NARS2: variants seen among roughly 807,000 people sequenced by gnomAD.
NARS2 encodes the protein asparaginyl-tRNA synthetase 2, mitochondrial.
NARS2 carries 60 observed loss-of-function variants against 62.9 expected under a neutral mutation model. The ratio of observed to expected loss-of-function variants is 0.95; its 90% CI spans 0.77 to 1.18. The LOEUF (loss-of-function observed/expected upper bound fraction) is 1.18. Ranked by LOEUF, NARS2 falls within the 50% of genes most tolerant of loss-of-function variation. NARS2 has a pLI of 0.00. For missense variants in NARS2, 619 were observed against 576.4 expected (o/e 1.07, Z -0.76); for synonymous variants, 196 against 200.0 (o/e 0.98, Z 0.17).
intron 13 of NARS2, among the ~76,000 whole-genome samples, chr11:78,440,333 G>A (rs1857537678): frequency 6.6e-6 from 1 of 152,076 alleles, no homozygotes; most frequent in South Asian, 2.1e-4. Flanking sequence ...CAAAGTGCTG[G>A]GATTACAGGC....
chr11:78,551,922 T>C (rs1390131067), intron 5 of NARS2, among the ~76,000 whole-genome samples: 1 of 152,062 alleles, frequency 6.6e-6, no homozygotes, highest in African/African-American at 2.4e-5. Context: ...CCTAAAGCTA[T>C]CCAACTTTAT....
At chr11:78,456,624 A>G (rs1310211909) in intron 11 of NARS2, among the ~76,000 whole-genome samples, 1 of 152,214 alleles carries the variant, frequency 6.6e-6, no homozygotes, top group East Asian at 1.9e-4. Context: ...AATGCCCACT[A>G]ATGCTGACCT....
intron 6 of NARS2, among the ~76,000 whole-genome samples, chr11:78,493,558 T>C (rs961779567): frequency 2.6e-5 from 4 of 151,888 alleles, no homozygotes; most frequent in Admixed American, 2.6e-4. Context: ...CTTGGGAGGC[T>C]GAGGCAGGAG....
At chr11:78,518,134 T>A (rs1461550794) in intron 6 of NARS2, among the ~76,000 whole-genome samples, 1 of 152,130 alleles carries the variant, frequency 6.6e-6, no homozygotes, top group Non-Finnish European at 1.5e-5. Context: ...CAATAAAAAA[T>A]AATACAAATT....
intron 6 of NARS2, among the ~76,000 whole-genome samples, chr11:78,495,224 C>G (rs1437500585): frequency 1.3e-5 from 2 of 152,126 alleles, no homozygotes; most frequent in Non-Finnish European, 2.9e-5. Context: ...CCCACACATC[C>G]TTTTATCCAG....
At chr11:78,462,560 C>T (rs11237511) in intron 11 of NARS2, among the ~76,000 whole-genome samples, 49,943 of 151,892 alleles carry the variant, frequency 0.33, 10,435 homozygotes, top group African/African-American at 0.58. Flanking sequence ...GAAAAAAATA[C>T]ATATATTTTA....
intron 6 of NARS2, among the ~76,000 whole-genome samples, chr11:78,518,877 A>T (rs1172531653): frequency 6.6e-6 from 1 of 152,222 alleles, no homozygotes; most frequent in Admixed American, 6.5e-5. Flanking sequence ...AAAGATAAAA[A>T]TAATTTCTAT....
At chr11:78,477,685 G>A (rs1859161079) in intron 9 of NARS2, among the ~76,000 whole-genome samples, 1 of 152,130 alleles carries the variant, frequency 6.6e-6, no homozygotes, top group Non-Finnish European at 1.5e-5. Context: ...GAAAAAAGCA[G>A]ATCATATTAC....
chr11:78,489,440 C>A (rs1016811002), intron 7 of NARS2, among the ~76,000 whole-genome samples: 1 of 152,156 alleles, frequency 6.6e-6, no homozygotes, highest in Non-Finnish European at 1.5e-5. Flanking sequence ...CCTGACAGTA[C>A]TTGGTACTAA....
At chr11:78,535,977 T>C (rs1855320354) in intron 5 of NARS2, among the ~76,000 whole-genome samples, 1 of 152,102 alleles carries the variant, frequency 6.6e-6, no homozygotes, top group Non-Finnish European at 1.5e-5. Flanking sequence ...AAGAAATACA[T>C]ACAATAACTA....
At chr11:78,483,940 T>G (rs966372500) in intron 7 of NARS2, among the ~76,000 whole-genome samples, 4 of 152,172 alleles carry the variant, frequency 2.6e-5, no homozygotes, top group African/African-American at 9.6e-5. Flanking sequence ...AAGATAATCC[T>G]AAGCAAAAAG....
At chr11:78,538,367 G>A (rs1299547168) in intron 5 of NARS2, among the ~76,000 whole-genome samples, 2 of 152,102 alleles carry the variant, frequency 1.3e-5, no homozygotes, top group African/African-American at 4.8e-5. Flanking sequence ...TGCTACATGA[G>A]AGAGAGCAAT....
chr11:78,450,398 A>G (rs1180197058), intron 11 of NARS2, among the ~76,000 whole-genome samples: 1 of 152,174 alleles, frequency 6.6e-6, no homozygotes, highest in Non-Finnish European at 1.5e-5. Flanking sequence ...TTTACTTGGT[A>G]CTAATTTAAT....
chr11:78,562,548 G>GAA (rs1431475166), intron 4 of NARS2, among the ~76,000 whole-genome samples: 4 of 152,182 alleles, frequency 2.6e-5, no homozygotes, highest in African/African-American at 9.7e-5. Context: ...GAGAAAGAAA[G>GAA]AGCAGAATCT....
At chr11:78,493,987 C>A (rs1428044324) in intron 6 of NARS2, among the ~76,000 whole-genome samples, 1 of 152,202 alleles carries the variant, frequency 6.6e-6, no homozygotes, top group African/African-American at 2.4e-5. Flanking sequence ...ACGTCAGATA[C>A]ATATTGCAGT....
intron 5 of NARS2, among the ~76,000 whole-genome samples, chr11:78,559,128 C>A (rs148042407): frequency 0.011 from 1,654 of 151,990 alleles, 26 homozygotes; most frequent in African/African-American, 0.037. Flanking sequence ...CCAAGAGAAA[C>A]CCCGTCTCTA....
At chr11:78,529,932 ACT>A (rs1861419638) in intron 5 of NARS2, among the ~76,000 whole-genome samples, 2 of 152,104 alleles carry the variant, frequency 1.3e-5, no homozygotes, top group South Asian at 4.1e-4. Context: ...AGAATGTAAG[ACT>A]CTTTTAACAG....
intron 6 of NARS2, among the ~76,000 whole-genome samples, chr11:78,517,396 G>A (rs1344805001): frequency 5.3e-5 from 8 of 152,198 alleles, no homozygotes; most frequent in African/African-American, 1.7e-4. Context: ...TCAGTTCATA[G>A]GTGGGGAGCT....
intron 7 of NARS2, among the ~76,000 whole-genome samples, chr11:78,484,155 A>G (rs967348648): frequency 6.6e-6 from 1 of 152,212 alleles, no homozygotes; most frequent in African/African-American, 2.4e-5. Context: ...TTCTCTATCT[A>G]ATAAATGGTA....
Sources: allele counts gnomAD v4.1 joint callset (sites outside exome capture counted in the v4.1 genomes callset), GRCh38; gene constraint gnomAD v4.1.1; transcripts MANE v1.5; gene names NCBI Gene and HGNC (gene_info 2026-07-23, HGNC 2026-07-21).